GPC4: variants seen among roughly 807,000 people sequenced by gnomAD.
GPC4 encodes glypican 4.
GPC4 carries 10 observed loss-of-function variants against 35.0 expected under a neutral mutation model. The ratio of observed to expected loss-of-function variants is 0.29; its 90% confidence interval spans 0.18 to 0.48. GPC4 has a LOEUF of 0.48. Among genes scored for constraint, GPC4 ranks in the 20% least tolerant of loss-of-function variants. GPC4 has a pLI of 0.99. For missense variants in GPC4, 322 were observed against 451.3 expected, an observed-to-expected ratio of 0.71 and a Z score of 2.60; for synonymous variants, 167 against 170.2, an observed-to-expected ratio of 0.98 and a Z score of 0.15.
chrX:133,360,199 T>C (rs1000673702), intron 1 of GPC4, among the ~76,000 whole-genome samples: 1 of 111,631 alleles, frequency 9.0e-6, no homozygotes, highest in Non-Finnish European at 1.9e-5. Context: ...TATCACGTTA[T>C]CTACATTACT....
chrX:133,396,530 T>A (rs911913061), intron 1 of GPC4, among the ~76,000 whole-genome samples: 7 of 111,941 alleles, frequency 6.3e-5, no homozygotes, highest in African/African-American at 1.9e-4. Context: ...TGCATTCCCC[T>A]CACATTAAAA....
chrX:133,355,780 C>T (rs1305137189), intron 1 of GPC4, among the ~76,000 whole-genome samples: 3 of 110,975 alleles, frequency 2.7e-5, no homozygotes, highest in African/African-American at 9.9e-5. Flanking sequence ...CACCATCCCC[C>T]GGGAGAAAAG....
intron 3 of GPC4, among the ~76,000 whole-genome samples, chrX:133,312,298 T>C (rs2068318233): frequency 9.0e-6 from 1 of 110,783 alleles, no homozygotes; most frequent in African/African-American, 3.3e-5. Context: ...AGTATGCGTG[T>C]GGCCAGAATT....
intron 1 of GPC4, among the ~76,000 whole-genome samples, chrX:133,393,896 A>C (rs1195782361): frequency 8.9e-6 from 1 of 112,214 alleles, no homozygotes; most frequent in Non-Finnish European, 1.9e-5. Flanking sequence ...AACTGTATAA[A>C]ACCACAAAAG....
chrX:133,407,032 C>T (rs2068791372), intron 1 of GPC4, among the ~76,000 whole-genome samples: 1 of 105,482 alleles, frequency 9.5e-6, no homozygotes, highest in South Asian at 4.4e-4. Flanking sequence ...GTTGAGATCA[C>T]GCCATTGCAC....
At chrX:133,344,255 C>T (rs1036472467) in intron 1 of GPC4, among the ~76,000 whole-genome samples, 2 of 46,854 alleles carry the variant, frequency 4.3e-5, no homozygotes, top group African/African-American at 7.5e-5. Context: ...GATGGAGTTT[C>T]GCTCCTGTTG....
chrX:133,305,874 T>C lies in GPC4; in HGVS notation c.1053A>G (p.Arg351=). The change falls in exon 6 of 9, where the codon CGA becomes CGG. Residue 351 remains arginine (R), a synonymous_variant. Coordinates refer to ENST00000370828, the MANE Select transcript of GPC4 (RefSeq NM_001448.3). ...CACTTTCAGAGATGGAACGAGAAAT[T>C]CGTCCAGCTGGGAGGGGCTTGGGGG... is the stretch of plus-strand genomic sequence containing the variant. ...CGPPKPLPAG[R]ISRSISESAF... 1 of 1,211,408 alleles carries C rather than the reference T, an allele frequency of 8.3e-7. No homozygotes were observed. The highest frequency in any genetic ancestry group is 1.1e-6 in the Non-Finnish European group (1 of 895,483).
chrX:133,361,723 C>T (rs750701500), intron 1 of GPC4, among the ~76,000 whole-genome samples: 1 of 111,749 alleles, frequency 8.9e-6, no homozygotes, highest in South Asian at 3.7e-4. Flanking sequence ...ACCTGGGTAA[C>T]CCTGAAGGCT....
chrX:133,308,671 G>A (rs1382357298), intron 4 of GPC4, among the ~76,000 whole-genome samples: 4 of 111,132 alleles, frequency 3.6e-5, no homozygotes. Context: ...AGACGGATTT[G>A]GAAAACCAGT....
At chrX:133,407,761 CTTTGTA>C (rs1460869696) in intron 1 of GPC4, among the ~76,000 whole-genome samples, 2 of 112,493 alleles carry the variant, frequency 1.8e-5, no homozygotes, top group Non-Finnish European at 3.7e-5. Context: ...GGCTTAAACT[CTTTGTA>C]TTTTGTGAAA....
intron 1 of GPC4, among the ~76,000 whole-genome samples, chrX:133,366,666 G>A (rs1456911618): frequency 2.7e-5 from 3 of 111,383 alleles, no homozygotes; most frequent in Non-Finnish European, 5.7e-5. Context: ...GTGCCACTGA[G>A]GCAGGAGAAT....
intron 3 of GPC4, among the ~76,000 whole-genome samples, chrX:133,318,235 T>C (rs1160453849): frequency 8.9e-6 from 1 of 112,364 alleles, no homozygotes; most frequent in African/African-American, 3.2e-5. Context: ...GTTGAATATG[T>C]GTCTACACTT....
chrX:133,335,444 A>AACACACACACACATAC (rs768266266), intron 2 of GPC4, among the ~76,000 whole-genome samples: 1 of 110,885 alleles, frequency 9.0e-6, no homozygotes, highest in Non-Finnish European at 1.9e-5. Flanking sequence ...CCCAAATCCG[A>AACACACACACACATAC]ACACACACAC....
intron 1 of GPC4, among the ~76,000 whole-genome samples, chrX:133,386,891 T>A (rs1313646046): frequency 2.7e-5 from 3 of 111,647 alleles, no homozygotes; most frequent in African/African-American, 9.8e-5. Flanking sequence ...ATTCTCATGG[T>A]CATTAGAGGG....
chrX:133,324,577 C>T (rs763638886), intron 2 of GPC4, 41 bp from the exon 3 acceptor site: 24 of 1,008,972 alleles, frequency 2.4e-5, no homozygotes, highest in African/African-American at 2.2e-5. Context: ...AAAGGAAAAA[C>T]GAGAGTTTTC....
intron 4 of GPC4, among the ~76,000 whole-genome samples, chrX:133,307,857 A>G (rs958226828): frequency 2.5e-4 from 28 of 112,423 alleles, no homozygotes; most frequent in African/African-American, 8.7e-4. Flanking sequence ...GTGGCAAGGA[A>G]TGGCCAGATC....
intron 1 of GPC4, among the ~76,000 whole-genome samples, chrX:133,356,405 C>T (rs919114469): frequency 4.5e-5 from 5 of 111,030 alleles, no homozygotes; most frequent in African/African-American, 6.6e-5. Flanking sequence ...CCACTACACC[C>T]GACTAATTTT....
chrX:133,414,715 C>T (rs914896857), intron 1 of GPC4, 91 bp downstream of exon 1: 29 of 1,178,045 alleles, frequency 2.5e-5, no homozygotes, highest in Non-Finnish European at 2.9e-5. Context: ...CTGCGTCCGG[C>T]GCAGGGGGCG....
intron 1 of GPC4, among the ~76,000 whole-genome samples, chrX:133,391,867 TA>T (rs2068721012): frequency 9.0e-6 from 1 of 111,411 alleles, no homozygotes; most frequent in South Asian, 3.8e-4. Flanking sequence ...TGTGGCATAA[TA>T]AAGGCCCATT....
Sources: gnomAD v4.1 joint callset for allele counts (sites outside exome capture counted in the v4.1 genomes callset) on GRCh38, gnomAD v4.1.1 for gene constraint, MANE v1.5 for transcripts, NCBI Gene and HGNC (gene_info 2026-07-23, HGNC 2026-07-21) for gene names.